CTNNA2: variants seen among roughly 807,000 people sequenced by gnomAD.
CTNNA2 encodes the protein catenin alpha-2.
In CTNNA2, 42 loss-of-function variants were observed where a neutral mutation model predicts 101.0. The ratio of observed to expected loss-of-function variants is 0.42; its 90% CI spans 0.32 to 0.54. The LOEUF (loss-of-function observed/expected upper bound fraction) is 0.54. Among genes scored for constraint, CTNNA2 ranks in the 20% least tolerant of loss-of-function variants. The pLI, the probability that CTNNA2 is intolerant of heterozygous loss-of-function variation, is 0.14. For missense variants in CTNNA2, 871 were observed against 1,223.1 expected, an observed-to-expected ratio of 0.71 and a Z score of 4.29; for synonymous variants, 450 against 456.4, an observed-to-expected ratio of 0.99 and a Z score of 0.18.
At chr2:80,281,149 A>G (rs146085293) in intron 7 of CTNNA2, among the ~76,000 whole-genome samples, 154 of 152,270 alleles carry the variant, frequency 1.0e-3, no homozygotes, top group Middle Eastern at 3.4e-3. Flanking sequence ...GGGTGACCAG[A>G]GATTAACTAC....
intron 7 of CTNNA2, among the ~76,000 whole-genome samples, chr2:79,920,320 T>A (rs953370252): frequency 6.6e-6 from 1 of 152,230 alleles, no homozygotes; most frequent in African/African-American, 2.4e-5. Context: ...CTTGACTACA[T>A]TAGTGCATTT....
intron 7 of CTNNA2, among the ~76,000 whole-genome samples, chr2:80,388,419 G>A (rs1677211513): frequency 6.6e-6 from 1 of 152,202 alleles, no homozygotes; most frequent in South Asian, 2.1e-4. Context: ...CCACGTTTTA[G>A]AGAAGAGAAA....
intron 1 of CTNNA2, among the ~76,000 whole-genome samples, chr2:79,615,394 C>T (rs1389607163): frequency 6.6e-6 from 1 of 152,088 alleles, no homozygotes; most frequent in Non-Finnish European, 1.5e-5. Flanking sequence ...GTTAGCCTTT[C>T]TACACAAACA....
intron 8 of CTNNA2, among the ~76,000 whole-genome samples, chr2:80,405,042 T>C (rs1678936154): frequency 6.6e-6 from 1 of 152,124 alleles, no homozygotes; most frequent in Non-Finnish European, 1.5e-5. Context: ...TAGCTATGAG[T>C]GCTAAGAATG....
intron 3 of CTNNA2, among the ~76,000 whole-genome samples, chr2:79,321,793 GCACACACACA>G (rs59806501): frequency 1.3e-5 from 2 of 149,072 alleles, no homozygotes; most frequent in East Asian, 2.0e-4. Context: ...CACTGTGTTT[GCACACACACA>G]CACACACACA....
At chr2:79,473,099 T>C (rs1213985488) in intron 4 of CTNNA2, among the ~76,000 whole-genome samples, 1 of 152,190 alleles carries the variant, frequency 6.6e-6, no homozygotes. Flanking sequence ...CTGTTCATGA[T>C]TACTTTTGTA....
chr2:79,704,720 A>C (rs1313739378), intron 2 of CTNNA2, among the ~76,000 whole-genome samples: 1 of 151,882 alleles, frequency 6.6e-6, no homozygotes, highest in Non-Finnish European at 1.5e-5. Flanking sequence ...TCACCGTGTT[A>C]GCCAGGATGG....
chr2:80,624,345 A>G (rs1671452290), intron 18 of CTNNA2, among the ~76,000 whole-genome samples: 1 of 151,984 alleles, frequency 6.6e-6, no homozygotes, highest in Admixed American at 6.6e-5. Flanking sequence ...AATGTTAATT[A>G]TGTATGTTTA....
intron 9 of CTNNA2, among the ~76,000 whole-genome samples, chr2:80,437,135 G>T (rs1009721791): frequency 2.6e-5 from 4 of 152,180 alleles, no homozygotes; most frequent in African/African-American, 7.2e-5. Flanking sequence ...CACTGAATCT[G>T]CTGGTCCCTT....
At chr2:80,574,509 G>A (rs1694874580) in intron 13 of CTNNA2, among the ~76,000 whole-genome samples, 195 bp downstream of exon 13, 1 of 152,178 alleles carries the variant, frequency 6.6e-6, no homozygotes, top group Non-Finnish European at 1.5e-5. Context: ...AGTGAGCACT[G>A]AATATTCTGA....
chr2:79,840,591 A>G (rs1449686952), intron 3 of CTNNA2, among the ~76,000 whole-genome samples: 1 of 152,098 alleles, frequency 6.6e-6, no homozygotes, highest in East Asian at 1.9e-4. Flanking sequence ...AAATGAGCCT[A>G]TTATAAGAGA....
At chr2:80,511,835 T>C (rs1688724658) in intron 9 of CTNNA2, among the ~76,000 whole-genome samples, 1 of 152,176 alleles carries the variant, frequency 6.6e-6, no homozygotes, top group East Asian at 1.9e-4. Flanking sequence ...CTAGAATGAT[T>C]TTACAAAATC....
intron 7 of CTNNA2, among the ~76,000 whole-genome samples, chr2:80,209,387 C>T (rs1707747561): frequency 1.3e-5 from 2 of 151,796 alleles, no homozygotes; most frequent in Non-Finnish European, 2.9e-5. Context: ...TGTGGGGTTT[C>T]ACCATGTTGG....
chr2:79,733,859 T>A (rs898857861), intron 2 of CTNNA2, among the ~76,000 whole-genome samples: 1 of 152,114 alleles, frequency 6.6e-6, no homozygotes, highest in Non-Finnish European at 1.5e-5. Context: ...CTCGTGTTCA[T>A]GTCAATCAAA....
chr2:80,188,095 G>A (rs79736470), intron 7 of CTNNA2, among the ~76,000 whole-genome samples: 1,533 of 152,226 alleles, frequency 0.01, 32 homozygotes, highest in African/African-American at 0.034. Context: ...ATTACTGGCT[G>A]CTCTTTGAAG....
chr2:79,673,318 G>A lies in CTNNA2; in HGVS notation c.102+21660G>A, dbSNP rs1682970828. Among the ~76,000 whole-genome samples, 3 of 151,920 alleles carry A rather than the reference G, an allele frequency of 2.0e-5. No homozygotes were observed. The South Asian group carries it at 6.2e-4, about 31-fold the overall frequency. On this transcript the variant is annotated intron_variant, in intron 2 of 18. Transcript: ENST00000402739. ...TTAGGTTTTTCTGGGGGGCGGGGGT[G>A]AAAACACTGATATATTATAAATACA...
chr2:80,565,471 G>A (rs189997205), intron 12 of CTNNA2, among the ~76,000 whole-genome samples: 3 of 151,948 alleles, frequency 2.0e-5, no homozygotes, highest in Non-Finnish European at 2.9e-5. Context: ...CCAACTTCCC[G>A]GTTTTCAGAT....
At chr2:79,630,556 A>T (rs948097572) in intron 1 of CTNNA2, among the ~76,000 whole-genome samples, 3 of 152,268 alleles carry the variant, frequency 2.0e-5, no homozygotes, top group African/African-American at 7.2e-5. Context: ...TTCAGTATAC[A>T]TAATGTAAGA....
chr2:79,742,380 A>G (rs1671349890), intron 2 of CTNNA2, among the ~76,000 whole-genome samples: 1 of 152,182 alleles, frequency 6.6e-6, no homozygotes, highest in Non-Finnish European at 1.5e-5. Context: ...AACATCTTAG[A>G]ATTATGCATA....
Sources: allele counts gnomAD v4.1 joint callset (sites outside exome capture counted in the v4.1 genomes callset), GRCh38; gene constraint gnomAD v4.1.1; transcripts MANE v1.5; gene names NCBI Gene and HGNC (gene_info 2026-07-23, HGNC 2026-07-21).